The following KCNG3 variants were observed in gnomAD, a reference collection of about 807,000 sequenced individuals.
The protein encoded by KCNG3 is voltage-gated potassium channel regulatory subunit KCNG3.
In KCNG3, 15 loss-of-function variants were observed where a neutral mutation model predicts 29.0. The observed-to-expected ratio is 0.52, with a 90% CI of 0.35 to 0.80. The LOEUF (loss-of-function observed/expected upper bound fraction) is 0.80. KCNG3 is among the 30% of genes least tolerant of loss of function. The probability of loss-of-function intolerance (pLI) is 0.01; values close to 1 mark genes in which losing one functional copy is unlikely to be tolerated. For synonymous variants in KCNG3, 322 were observed against 248.9 expected (o/e 1.29, Z -2.76); for missense variants, 512 against 605.7 (o/e 0.85, Z 1.62).
the KCNG3 span, among the ~76,000 whole-genome samples, chr2:42,414,629 AT>A: frequency 6.6e-6 from 1 of 151,718 alleles, no homozygotes; most frequent in East Asian, 1.9e-4. Flanking sequence ...CCCTTTTTAA[AT>A]GCTGAAAAAT....
rs768638221 is a variant in KCNG3, at chr2:42,444,493, T to C, written c.752A>G (p.Lys251Arg). Residue 251 changes from lysine to arginine, a missense_variant, in exon 2 of 2, where the codon AAG (lysine) becomes AGG (arginine). This residue lies in a region of KCNG3 where 173 missense variants were observed against 262.4 expected (regional missense o/e 0.66). Transcript: ENST00000306078. This position sits in a 1 kb window ranked among gnomAD's most constrained non-coding sequence, Gnocchi z 5.8. ...IVSKNKCEFV[K>R]RPLNIIDLLA... ...TAAATCAATGATGTTCAGGGGTCTCTTGACAAACTCACACTTGTTTTTGGA... is the reference window on the plus strand; with the variant it reads ...TAAATCAATGATGTTCAGGGGTCTCCTGACAAACTCACACTTGTTTTTGGA... 3.7e-6 allele frequency: 6 copies of C among 1,614,184 alleles called. No homozygotes were observed. The highest frequency in any genetic ancestry group is 4.2e-6 in the Non-Finnish European group (5 of 1,180,030).
Position 42,493,731 on chromosome 2 carries a change from G to A in KCNG3, c.-230C>T, listed in dbSNP as rs1673988432. 1 of 342,680 alleles carries A rather than the reference G, an allele frequency of 2.9e-6. No homozygotes were observed. The highest frequency in any genetic ancestry group is 5.2e-6 in the Non-Finnish European group (1 of 191,904). The allele number at this position is 342,680 out of a possible 1,614,324, so 21.2% of individuals were successfully genotyped here. Reference sequence around the variant, plus strand: ...CCCGGCGGTACCTGCGGGTGGCCGGGGAGTCCTCGCCGGCGCCAGCGCTGA... The same window carrying A: ...CCCGGCGGTACCTGCGGGTGGCCGGAGAGTCCTCGCCGGCGCCAGCGCTGA... On this transcript the variant is annotated 5_prime_UTR_variant, in exon 1 of 2. Transcript: ENST00000306078.
At chr2:42,410,848 G>A in the KCNG3 span, among the ~76,000 whole-genome samples, 4 of 152,122 alleles carry the variant, frequency 2.6e-5, no homozygotes, top group Non-Finnish European at 5.9e-5. Context: ...TACAGTCAAG[G>A]TTGGAAAGAC....
At chr2:42,433,677 G>A in the KCNG3 span, among the ~76,000 whole-genome samples, 6 of 152,270 alleles carry the variant, frequency 3.9e-5, no homozygotes, top group South Asian at 1.2e-3. Flanking sequence ...AGGTGGGGGT[G>A]CAGTGAGCTG....
intron 1 of KCNG3, among the ~76,000 whole-genome samples, chr2:42,447,906 C>T (rs933528248): frequency 6.6e-6 from 1 of 152,128 alleles, no homozygotes; most frequent in Non-Finnish European, 1.5e-5. Flanking sequence ...CTTGGAATTA[C>T]TGGATCAGAG....
the KCNG3 span, among the ~76,000 whole-genome samples, chr2:42,418,106 C>T: frequency 6.6e-6 from 1 of 151,776 alleles, no homozygotes; most frequent in African/African-American, 2.4e-5. Context: ...GTTGTTTAAC[C>T]ATCACCACTA....
chr2:42,420,613 A>G, the KCNG3 span, among the ~76,000 whole-genome samples: 1 of 151,994 alleles, frequency 6.6e-6, no homozygotes, highest in African/African-American at 2.4e-5. Flanking sequence ...AACACGATGA[A>G]ACCCCATCTC....
In KCNG3 at chr2:42,477,433, T is replaced by A. The variant is rs1183369441; in HGVS notation, c.665+15404A>T. On this transcript the variant is annotated intron_variant, in intron 1 of 1. Transcript: ENST00000306078. ...CACACACACACACACATATATTTTTTTTTTTTTTTTTTGAGACGGAGTCTT... is the reference window on the plus strand; with the variant it reads ...CACACACACACACACATATATTTTTATTTTTTTTTTTTGAGACGGAGTCTT... Among the ~76,000 whole-genome samples, 94 of 71,466 alleles carry A rather than the reference T, an allele frequency of 1.3e-3. 1 individual carries two copies. Among genetic ancestry groups the A allele is most frequent in the African/African-American group, 1.7e-3 (42 of 24,826 alleles). The allele number at this position is 71,466 out of a possible 152,430, so 46.9% of individuals were successfully genotyped here.
At chr2:42,430,358 T>A in the KCNG3 span, among the ~76,000 whole-genome samples, 25 of 138,250 alleles carry the variant, frequency 1.8e-4, 1 homozygote, top group South Asian at 5.9e-3. Context: ...ACACAGACTG[T>A]CTTAAAAATA....
At chr2:42,472,751 C>T (rs1044581031) in intron 1 of KCNG3, among the ~76,000 whole-genome samples, 8 of 151,656 alleles carry the variant, frequency 5.3e-5, no homozygotes, top group African/African-American at 9.7e-5. Context: ...ATACCCGCCT[C>T]GGCCTCCCAA....
At chr2:42,477,691 C>T (rs1673474335) in intron 1 of KCNG3, among the ~76,000 whole-genome samples, 1 of 151,764 alleles carries the variant, frequency 6.6e-6, no homozygotes, top group African/African-American at 2.4e-5. Flanking sequence ...CTAGCCTGGC[C>T]AGCATAGCGA....
chr2:42,411,334 CTACAT>C, the KCNG3 span, among the ~76,000 whole-genome samples: 1 of 152,074 alleles, frequency 6.6e-6, no homozygotes, highest in African/African-American at 2.4e-5. Flanking sequence ...TTTATTGCTC[CTACAT>C]TACATTTATA....
At chr2:42,466,037 G>A (rs890790097) in intron 1 of KCNG3, among the ~76,000 whole-genome samples, 4 of 152,130 alleles carry the variant, frequency 2.6e-5, no homozygotes, top group Non-Finnish European at 2.9e-5. Context: ...ACAATGGATC[G>A]TATATATGAC....
At chr2:42,406,470 C>T in the KCNG3 span, among the ~76,000 whole-genome samples, 2 of 151,168 alleles carry the variant, frequency 1.3e-5, no homozygotes, top group Non-Finnish European at 3.0e-5. Flanking sequence ...CCACCCACCT[C>T]GGCCTCCCAA....
At chr2:42,457,077 C>G (rs762856640) in intron 1 of KCNG3, among the ~76,000 whole-genome samples, 1 of 152,120 alleles carries the variant, frequency 6.6e-6, no homozygotes, top group Non-Finnish European at 1.5e-5. Context: ...AACACTTATT[C>G]AAGTTCCAAA....
intron 1 of KCNG3, among the ~76,000 whole-genome samples, chr2:42,453,970 C>T (rs1297472759): frequency 6.6e-6 from 1 of 151,246 alleles, no homozygotes; most frequent in Non-Finnish European, 1.5e-5. Context: ...CTGTCCTGGA[C>T]AAAGGATTTG....
In KCNG3 at chr2:42,493,667, G is replaced by A; in HGVS notation, c.-166C>T. ...CCTCCGCTGGCCCGGGGGTCCCTGG[G>A]CTCGAGTATCTCCGGCGCTGCTAGT... On this transcript the variant is annotated 5_prime_UTR_variant, in exon 1 of 2. Transcript: ENST00000306078. The A allele has an allele frequency of 2.1e-6, 1 of 482,908 alleles. No individual in the cohort carries two copies. Among genetic ancestry groups the A allele is most frequent in the Non-Finnish European group, 3.2e-6 (1 of 311,942 alleles). The allele number at this position is 482,908 out of a possible 1,614,324, so 29.9% of individuals were successfully genotyped here.
chr2:42,455,490 A>G (rs1287464610), intron 1 of KCNG3, among the ~76,000 whole-genome samples: 1 of 151,340 alleles, frequency 6.6e-6, no homozygotes, highest in Non-Finnish European at 1.5e-5. Flanking sequence ...GCTGGCCCCA[A>G]TAGTTCATGT....
At chr2:42,440,750 A>G (rs1313981590), downstream of KCNG3, among the ~76,000 whole-genome samples, 3 of 152,258 alleles carry the variant, frequency 2.0e-5, no homozygotes, top group Non-Finnish European at 4.4e-5. Flanking sequence ...ATTAGCAACA[A>G]GGACAATACA....
Sources: gnomAD v4.1 joint callset for allele counts (sites outside exome capture counted in the v4.1 genomes callset) on GRCh38, gnomAD v4.1.1 for gene constraint, gnomAD v4.1.1 regional missense constraint, Gnocchi (gnomAD v3.1) non-coding constraint, MANE v1.5 for transcripts, NCBI Gene and HGNC (gene_info 2026-07-23, HGNC 2026-07-21) for gene names.